SVIL: variants seen among roughly 807,000 people sequenced by gnomAD.
The protein encoded by SVIL is supervillin, also known as archvillin.
In SVIL, 101 loss-of-function variants were observed where a neutral mutation model predicts 240.4. The ratio of observed to expected loss-of-function variants is 0.42; its 90% CI spans 0.36 to 0.50. The LOEUF (loss-of-function observed/expected upper bound fraction) is 0.50. Ranked by LOEUF, SVIL falls within the 20% of genes least tolerant of loss-of-function variation. The pLI is 0.01. For missense variants in SVIL, 2,512 were observed against 2,818.7 expected, an observed-to-expected ratio of 0.89 and a Z score of 2.46; for synonymous variants, 999 against 1,100.0, an observed-to-expected ratio of 0.91 and a Z score of 1.82.
chr10:29,652,033 A>ACG (rs1322989892), intron 3 of SVIL, among the ~76,000 whole-genome samples: 11 of 152,122 alleles, frequency 7.2e-5, no homozygotes, highest in Non-Finnish European at 1.3e-4. Flanking sequence ...ACACACACAC[A>ACG]CACACCAGGC....
Position 29,459,498 on chromosome 10 carries a change from A to G in SVIL, c.6403-909T>C, listed in dbSNP as rs150893354. On this transcript the variant is annotated intron_variant, in intron 36 of 37. Coordinates refer to ENST00000355867, the MANE Select transcript of SVIL (RefSeq NM_021738.3). The stretch of plus-strand genomic sequence containing the variant: ...TAATGGAATTTGTTTAAAAATAAAT[A>G]TTAAAAAATAACCTGAAAAGAAATC... 8.7e-3 allele frequency among the ~76,000 whole-genome samples: 1,328 copies of G among 152,304 alleles called. 19 individuals carry two copies. The highest frequency in any genetic ancestry group is 0.031 in the African/African-American group (1,272 of 41,562).
At chr10:29,485,964 T>C in intron 26 of SVIL, 121 bp downstream of exon 26, 1 of 1,135,264 alleles carries the variant, frequency 8.8e-7, no homozygotes, top group Non-Finnish European at 1.2e-6. Flanking sequence ...GTAAATGTTC[T>C]ACAATGGATA....
chr10:29,685,082 C>T (rs1298983625), intron 2 of SVIL, among the ~76,000 whole-genome samples: 1 of 152,166 alleles, frequency 6.6e-6, no homozygotes, highest in African/African-American at 2.4e-5. Flanking sequence ...AGCCTCCACT[C>T]TCAAGTAGGC....
intron 3 of SVIL, among the ~76,000 whole-genome samples, chr10:29,648,108 G>A (rs1432477371): frequency 6.6e-6 from 1 of 151,578 alleles, no homozygotes; most frequent in Admixed American, 6.6e-5. Flanking sequence ...AAACCCACAA[G>A]TCCCTTACCT....
intron 18 of SVIL, among the ~76,000 whole-genome samples, 156 bp downstream of exon 18, chr10:29,498,960 A>G (rs1238872528): frequency 6.6e-6 from 1 of 152,230 alleles, no homozygotes; most frequent in East Asian, 1.9e-4. Flanking sequence ...CAGCCTAGGC[A>G]AAAGAGCAAG....
intron 6 of SVIL, among the ~76,000 whole-genome samples, chr10:29,538,426 C>G (rs117229851): frequency 0.05 from 7,606 of 152,320 alleles, 264 homozygotes; most frequent in Admixed American, 0.11. Flanking sequence ...AGTATATAGA[C>G]AGTCTCCGAC....
intron 6 of SVIL, among the ~76,000 whole-genome samples, chr10:29,538,886 T>C (rs1951931881): frequency 6.6e-6 from 1 of 152,172 alleles, no homozygotes; most frequent in Non-Finnish European, 1.5e-5. Context: ...AGAGGCCAGG[T>C]GTGGTGGCTC....
chr10:29,572,026 A>G (rs569164144), intron 1 of SVIL, among the ~76,000 whole-genome samples: 2 of 152,230 alleles, frequency 1.3e-5, no homozygotes, highest in Non-Finnish European at 2.9e-5. Context: ...CTGAATGACC[A>G]TAGGAAATCA....
Position 29,550,761 on chromosome 10 carries a change from G to C in SVIL, c.663C>G (p.Ser221=). 6.2e-7 allele frequency: 1 copy of C among 1,614,134 alleles called. No individual in the cohort carries two copies. The highest frequency in any genetic ancestry group is 8.5e-7 in the Non-Finnish European group (1 of 1,180,024). Reference sequence around the variant, plus strand: ...AGGTCGAGGAACTCTCGGCTGCTGGGGACAGGTCATGGGCCTGCCGGGTGG... The same window carrying C: ...AGGTCGAGGAACTCTCGGCTGCTGGCGACAGGTCATGGGCCTGCCGGGTGG... The part of the protein sequence containing the change: ...LSATRQAHDL[S]PAAESSSTFS... The change falls in exon 6 of 38, where the codon TCC becomes TCG. Residue 221 remains serine, a synonymous_variant. Coordinates refer to ENST00000355867, the MANE Select transcript of SVIL (RefSeq NM_021738.3).
chr10:29,470,143 G>C, intron 32 of SVIL, 133 bp downstream of exon 32: 1 of 1,026,386 alleles, frequency 9.7e-7, no homozygotes, highest in Non-Finnish European at 1.5e-6. Context: ...CCCTGACCAC[G>C]TTCCCAGCCA....
At chr10:29,536,941 C>T (rs1380293856) in intron 6 of SVIL, among the ~76,000 whole-genome samples, 11 of 143,922 alleles carry the variant, frequency 7.6e-5, no homozygotes, top group African/African-American at 2.8e-4. Context: ...AGAACGGAGT[C>T]TATTATAGTC....
intron 3 of SVIL, among the ~76,000 whole-genome samples, chr10:29,558,930 AATAT>A (rs72228268): frequency 6.8e-5 from 10 of 146,108 alleles, no homozygotes; most frequent in Non-Finnish European, 9.0e-5. Flanking sequence ...TCTGCCTCGA[AATAT>A]ATATATATAT....
chr10:29,629,163 C>T (rs1234922134), intron 1 of SVIL, among the ~76,000 whole-genome samples: 2 of 151,960 alleles, frequency 1.3e-5, no homozygotes, highest in African/African-American at 4.8e-5. Flanking sequence ...ATGTTTTCAA[C>T]ACAAGGAGAA....
rs560631781 is a variant in SVIL, at chr10:29,661,170, G to GA, written c.-300-3103dup. Among the ~76,000 whole-genome samples, 2,168 of 118,306 alleles carry GA rather than the reference G, an allele frequency of 0.018. 129 individuals carry two copies. In the East Asian group the frequency reaches 0.24, roughly 13 times the overall value. The allele number at this position is 118,306 out of a possible 152,430, so 77.6% of individuals were successfully genotyped here. A position where few individuals can be genotyped will look rare whatever the true frequency, so the allele number is the denominator to read the frequency against. On this transcript the variant is annotated intron_variant, in intron 2 of 35. Coordinates refer to the SVIL transcript ENST00000375400. ...GACAGAGCAAGACACCGTCTCACAA[G>GA]AAAAAAAAAAAAAAGCCTGTGCCTG...
chr10:29,615,704 C>T (rs1957404284), intron 1 of SVIL, among the ~76,000 whole-genome samples: 1 of 152,184 alleles, frequency 6.6e-6, no homozygotes, highest in African/African-American at 2.4e-5. Flanking sequence ...TTAATTTCTT[C>T]ATTTCACAAA....
rs765964799 is a variant in SVIL at position 29,634,808 on chromosome 10, G to A, written c.-589C>T. ...CCAAAAGTTCCTCTCCAAAAAGAAC[G>A]CCAAAATATTAATAAAAAGAGTCTT... is the stretch of plus-strand genomic sequence containing the variant. On this transcript the variant is annotated 5_prime_UTR_variant, in exon 1 of 38. Transcript: ENST00000355867. 6.6e-6 allele frequency: 1 copy of A among 152,058 alleles called. No individual in the cohort carries two copies. Among genetic ancestry groups the A allele is most frequent in the African/African-American group, 2.4e-5 (1 of 41,404 alleles). The allele number at this position is 152,058 out of a possible 1,614,324, so 9.4% of individuals were successfully genotyped here.
chr10:29,500,250 C>T (rs553917661), intron 17 of SVIL, among the ~76,000 whole-genome samples: 8 of 152,024 alleles, frequency 5.3e-5, no homozygotes, highest in South Asian at 2.1e-4. Context: ...GGTCCTCAAA[C>T]GCTGGCCGGC....
At chr10:29,509,330 G>GGAGAGA (rs66616602) in intron 17 of SVIL, among the ~76,000 whole-genome samples, 2,184 of 66,698 alleles carry the variant, frequency 0.033, 152 homozygotes, top group African/African-American at 0.058. Context: ...GGAGGGGGAG[G>GGAGAGA]GAGAGAGAGA....
chr10:29,732,774 A>G (rs1478258546), intron 1 of SVIL, among the ~76,000 whole-genome samples: 1 of 152,022 alleles, frequency 6.6e-6, no homozygotes, highest in Non-Finnish European at 1.5e-5. Context: ...AAGCAGATAC[A>G]TTTCTTTAGT....
Sources: gnomAD v4.1 joint callset for allele counts (sites outside exome capture counted in the v4.1 genomes callset) on GRCh38, gnomAD v4.1.1 for gene constraint, MANE v1.5 for transcripts, NCBI Gene and HGNC (gene_info 2026-07-23, HGNC 2026-07-21) for gene names.